The following MYT1L variants were observed in gnomAD, a reference collection of about 807,000 sequenced individuals.
MYT1L encodes myelin transcription factor 1 like.
Under a neutral mutation model 126.7 loss-of-function variants are expected in MYT1L, and 12 were observed. That is an observed-to-expected ratio of 0.09 (90% confidence interval 0.06 to 0.15). The LOEUF (loss-of-function observed/expected upper bound fraction) is 0.15. Ranked by LOEUF, MYT1L falls within the 10% of genes least tolerant of loss-of-function variation. MYT1L has a pLI of 1.00. For missense variants in MYT1L, 979 were observed against 1,585.2 expected (o/e 0.62, Z 6.49); for synonymous variants, 541 against 604.2 (o/e 0.90, Z 1.53).
chr2:2,255,790 G>T (rs1366872765), intron 2 of MYT1L, among the ~76,000 whole-genome samples: 1 of 152,134 alleles, frequency 6.6e-6, no homozygotes, highest in Non-Finnish European at 1.5e-5. Context: ...AGCTCTGGAG[G>T]CCGTTTCTAG....
chr2:2,312,287 T>C (rs993933346), intron 1 of MYT1L, among the ~76,000 whole-genome samples: 1 of 152,162 alleles, frequency 6.6e-6, no homozygotes, highest in Non-Finnish European at 1.5e-5. Context: ...AACAATTTAT[T>C]CTCTATCTCT....
At chr2:1,915,247 A>C (rs2149056351) in intron 11 of MYT1L, among the ~76,000 whole-genome samples, 1 of 152,314 alleles carries the variant, frequency 6.6e-6, no homozygotes, top group South Asian at 2.1e-4. Context: ...GAATTCTCTA[A>C]TTGTTTTAGT....
chr2:2,165,697 G>C (rs1030311496), intron 3 of MYT1L, among the ~76,000 whole-genome samples: 2 of 151,890 alleles, frequency 1.3e-5, no homozygotes, highest in Non-Finnish European at 2.9e-5. Flanking sequence ...TTCTCACGTT[G>C]TCATCTCATA....
intron 1 of MYT1L, among the ~76,000 whole-genome samples, chr2:2,288,068 C>A (rs1411961909): frequency 6.6e-6 from 1 of 152,174 alleles, no homozygotes; most frequent in Non-Finnish European, 1.5e-5. Context: ...CATTTCCTGA[C>A]ACACTCTAGT....
intron 4 of MYT1L, among the ~76,000 whole-genome samples, chr2:2,018,841 T>C (rs534515136): frequency 6.6e-6 from 1 of 152,200 alleles, no homozygotes; most frequent in African/African-American, 2.4e-5. Flanking sequence ...CTACATTTCG[T>C]TTTTGAGTTC....
intron 5 of MYT1L, among the ~76,000 whole-genome samples, chr2:1,996,584 A>G (rs2061876496): frequency 7.3e-6 from 1 of 137,738 alleles, no homozygotes. Flanking sequence ...GCCTTTACCT[A>G]GTGAGTGAGG....
At chr2:2,215,900 G>A (rs80342438) in intron 2 of MYT1L, among the ~76,000 whole-genome samples, 1,777 of 152,218 alleles carry the variant, frequency 0.012, 17 homozygotes, top group Non-Finnish European at 0.016. Context: ...GAAGGTGTTC[G>A]GGTCATAGGG....
intron 2 of MYT1L, among the ~76,000 whole-genome samples, chr2:2,216,074 G>GCATGTAAAATGCTTTCA (rs2093669209): frequency 2.6e-5 from 2 of 78,080 alleles, no homozygotes; most frequent in East Asian, 2.6e-4. Context: ...TCAGTTCCAC[G>GCATGTAAAATGCTTTCA]TTCCACCTCC....
intron 4 of MYT1L, among the ~76,000 whole-genome samples, chr2:2,002,870 C>G (rs2062540624): frequency 6.6e-6 from 1 of 152,132 alleles, no homozygotes; most frequent in South Asian, 2.1e-4. Context: ...ATTTCCCTTG[C>G]TTGCACTTCT....
intron 18 of MYT1L, among the ~76,000 whole-genome samples, chr2:1,858,897 C>G (rs2044237487): frequency 6.6e-6 from 1 of 152,242 alleles, no homozygotes; most frequent in Admixed American, 6.5e-5. Flanking sequence ...CCCCCATAGG[C>G]ACCTCAGCCT....
At chr2:1,976,111 TA>T (rs2149472906) in intron 8 of MYT1L, among the ~76,000 whole-genome samples, 1 of 79,088 alleles carries the variant, frequency 1.3e-5, no homozygotes, top group Non-Finnish European at 2.3e-5. Flanking sequence ...CATTTATTGT[TA>T]AAAGACCAAA....
intron 2 of MYT1L, among the ~76,000 whole-genome samples, chr2:2,274,188 T>C (rs1411728639): frequency 3.3e-5 from 5 of 152,160 alleles, no homozygotes; most frequent in Admixed American, 3.3e-4. Flanking sequence ...GAGGTGATGG[T>C]TATCCAATAT....
At chr2:1,838,947 G>A (rs141646121) in intron 21 of MYT1L, among the ~76,000 whole-genome samples, 109 of 152,334 alleles carry the variant, frequency 7.2e-4, no homozygotes, top group African/African-American at 2.4e-3. Context: ...AGGGAGGCTG[G>A]GCTCCCTAAT....
chr2:2,020,988 G>T (rs1050598389), intron 4 of MYT1L, among the ~76,000 whole-genome samples: 3 of 152,236 alleles, frequency 2.0e-5, no homozygotes, highest in African/African-American at 7.2e-5. Flanking sequence ...GCTGTGAACT[G>T]CACAGGTGAG....
intron 18 of MYT1L, among the ~76,000 whole-genome samples, chr2:1,873,135 G>A (rs898672981): frequency 6.6e-6 from 1 of 152,202 alleles, no homozygotes; most frequent in Non-Finnish European, 1.5e-5. Context: ...TGGCCTCACA[G>A]CATGTTTTGA....
intron 2 of MYT1L, among the ~76,000 whole-genome samples, chr2:2,225,905 T>C (rs988766031): frequency 6.6e-6 from 1 of 152,130 alleles, no homozygotes; most frequent in African/African-American, 2.4e-5. Flanking sequence ...ACTTTACAGA[T>C]GAGAAAACTG....
intron 18 of MYT1L, among the ~76,000 whole-genome samples, chr2:1,876,835 C>T (rs2046973135): frequency 6.6e-6 from 1 of 152,202 alleles, no homozygotes; most frequent in African/African-American, 2.4e-5. Flanking sequence ...GAACTTTCTC[C>T]CTGCCCCTCC....
chr2:1,977,863 A>G (rs1019615795), intron 8 of MYT1L, among the ~76,000 whole-genome samples: 3 of 152,234 alleles, frequency 2.0e-5, no homozygotes, highest in Admixed American at 6.5e-5. Flanking sequence ...ATGCTGACAT[A>G]TATATTTCTT....
intron 20 of MYT1L, 46 bp from the exon 21 acceptor site, chr2:1,839,416 G>T: frequency 6.5e-7 from 1 of 1,532,270 alleles, no homozygotes; most frequent in South Asian, 1.2e-5. Flanking sequence ...GGCCACCGTC[G>T]CCTGGTGGCT....
Sources: allele counts gnomAD v4.1 joint callset (sites outside exome capture counted in the v4.1 genomes callset), GRCh38; gene constraint gnomAD v4.1.1; transcripts MANE v1.5; gene names NCBI Gene and HGNC (gene_info 2026-07-23, HGNC 2026-07-21).